TCEA3: variants seen among roughly 807,000 people sequenced by gnomAD.
TCEA3 encodes the protein transcription elongation factor A3.
In TCEA3, 36 loss-of-function variants were observed where a neutral mutation model predicts 44.0. The ratio of observed to expected loss-of-function variants is 0.82; its 90% confidence interval spans 0.63 to 1.08. The LOEUF (loss-of-function observed/expected upper bound fraction) is 1.08, where lower values mean the gene tolerates loss of function less well. TCEA3 is among the 50% of genes least tolerant of loss of function. TCEA3 has a pLI of 0.00. For missense variants in TCEA3, 392 were observed against 441.2 expected, an observed-to-expected ratio of 0.89 and a Z score of 1.00; for synonymous variants, 162 against 159.7, an observed-to-expected ratio of 1.01 and a Z score of -0.11.
intron 10 of TCEA3, among the ~76,000 whole-genome samples, chr1:23,382,420 G>A (rs1638693433): frequency 6.6e-6 from 1 of 152,182 alleles, no homozygotes; most frequent in Non-Finnish European, 1.5e-5. Flanking sequence ...ACTAGTAGAT[G>A]ACATACCCAA....
At chr1:23,408,254 GC>G (rs1558057128) in intron 5 of TCEA3, among the ~76,000 whole-genome samples, 1 of 152,154 alleles carries the variant, frequency 6.6e-6, no homozygotes. Context: ...GAGCCACTGT[GC>G]CCAGCCTAGG....
At position 23,393,990 on chromosome 1, in the gene TCEA3, G is replaced by T. The variant is rs1344190618; in HGVS notation, c.708C>A (p.Asn236Lys). The change falls in exon 8 of 11, where the codon AAC becomes AAA. Residue 236 changes from asparagine (N) to lysine (K), a missense_variant. Asn to Lys is a moderately conservative substitution (Grantham distance 94). Transcript: ENST00000450454. ...ELKSTDMKYR[N>K]RVRSRISNLK... Reference sequence around the variant, plus strand: ...GGTTGCTTATGCGGCTGCGCACGCGGTTCCGGTACTTCATGTCCGTGCTCT... The same window carrying T: ...GGTTGCTTATGCGGCTGCGCACGCGTTTCCGGTACTTCATGTCCGTGCTCT... 6.8e-6 allele frequency: 11 copies of T among 1,613,958 alleles called. No homozygotes were observed. Among genetic ancestry groups the T allele is most frequent in the Non-Finnish European group, 9.3e-6 (11 of 1,179,910 alleles).
chr1:23,391,435 G>A (rs1432806665), intron 8 of TCEA3, among the ~76,000 whole-genome samples: 1 of 151,924 alleles, frequency 6.6e-6, no homozygotes, highest in African/African-American at 2.4e-5. Flanking sequence ...GTTATTAGGG[G>A]GTCTTTGGGA....
At chr1:23,392,607 C>A (rs1570239882) in intron 8 of TCEA3, among the ~76,000 whole-genome samples, 4 of 136,932 alleles carry the variant, frequency 2.9e-5, no homozygotes, top group African/African-American at 1.1e-4. Context: ...CTCCACACAT[C>A]ATACACACAC....
chr1:23,391,266 C>T (rs1639019975), intron 8 of TCEA3, among the ~76,000 whole-genome samples: 1 of 150,954 alleles, frequency 6.6e-6, no homozygotes, highest in Admixed American at 6.6e-5. Context: ...GTGTGTGCCA[C>T]CACGCCCGGC....
intron 10 of TCEA3, 106 bp downstream of exon 10, chr1:23,384,240 A>G (rs1191791392): frequency 6.3e-6 from 10 of 1,595,938 alleles, no homozygotes; most frequent in South Asian, 1.1e-5. Context: ...GCAGGCTGGC[A>G]AGTGCTGCCA....
intron 9 of TCEA3, among the ~76,000 whole-genome samples, chr1:23,386,356 C>T (rs1209940226): frequency 6.6e-6 from 1 of 151,976 alleles, no homozygotes; most frequent in Admixed American, 6.6e-5. Context: ...CCCATTTCCC[C>T]CGCATCCAGT....
At position 23,407,613 on chromosome 1, in the gene TCEA3, C is replaced by T. The variant is rs565083015; in HGVS notation, c.443+1051G>A. On this transcript the variant is annotated intron_variant, in intron 5 of 10. Coordinates refer to ENST00000450454, the MANE Select transcript of TCEA3 (RefSeq NM_003196.3). ...CTAACGATCACTTCCTCGATGAGGA[C>T]TTTTCTGACAACTCCATGAATATCC... Among the ~76,000 whole-genome samples the T allele has an allele frequency of 7.2e-5, 11 of 152,202 alleles. No homozygotes were observed. The South Asian group carries it at 8.3e-4, about 11-fold the overall frequency.
chr1:23,390,838 C>G (rs1458545549), intron 8 of TCEA3, among the ~76,000 whole-genome samples: 59 of 152,264 alleles, frequency 3.9e-4, no homozygotes, highest in Non-Finnish European at 1.5e-5. Context: ...ACACTGTTGT[C>G]AGTGCTGGGT....
chr1:23,417,638 T>G (rs558702357), intron 3 of TCEA3, among the ~76,000 whole-genome samples: 1 of 152,356 alleles, frequency 6.6e-6, no homozygotes, highest in South Asian at 2.1e-4. Context: ...AATGTGTGCA[T>G]GTAGACATGT....
chr1:23,399,650 C>T (rs12142882), intron 5 of TCEA3, among the ~76,000 whole-genome samples: 6,072 of 150,528 alleles, frequency 0.04, 333 homozygotes, highest in South Asian at 0.25. Flanking sequence ...AATTTATCTA[C>T]TTTTGCGATG....
At chr1:23,407,644 C>T (rs779394895) in intron 5 of TCEA3, among the ~76,000 whole-genome samples, 7 of 152,184 alleles carry the variant, frequency 4.6e-5, no homozygotes, top group East Asian at 3.9e-4. Context: ...TATCCTTCCC[C>T]GATCCTCTTC....
chr1:23,419,213 T>C (rs1639985752), intron 1 of TCEA3, 74 bp from the exon 2 acceptor site: 1 of 1,187,124 alleles, frequency 8.4e-7, no homozygotes, highest in African/African-American at 1.5e-5. Context: ...GTGGTCTTGG[T>C]ACAGAGAGCA....
intron 1 of TCEA3, 105 bp downstream of exon 1, chr1:23,424,460 G>C: frequency 9.6e-7 from 1 of 1,046,086 alleles, no homozygotes. Flanking sequence ...CCCGAGTCCC[G>C]TACGCGCCCC....
At chr1:23,392,005 C>A (rs1639043000) in intron 8 of TCEA3, among the ~76,000 whole-genome samples, 1 of 152,168 alleles carries the variant, frequency 6.6e-6, no homozygotes, top group Non-Finnish European at 1.5e-5. Flanking sequence ...TTCGTTATAG[C>A]AGTCTGAACT....
intron 5 of TCEA3, among the ~76,000 whole-genome samples, chr1:23,399,178 A>ATC (rs1553167339): frequency 5.7e-5 from 8 of 141,146 alleles, no homozygotes; most frequent in South Asian, 4.5e-4. Flanking sequence ...ATATATATAT[A>ATC]TCCATATGTG....
intron 5 of TCEA3, among the ~76,000 whole-genome samples, chr1:23,399,421 T>G (rs1639330647): frequency 6.6e-6 from 1 of 151,788 alleles, no homozygotes; most frequent in Non-Finnish European, 1.5e-5. Flanking sequence ...TCCTATTGGA[T>G]CAGGGCTCCA....
chr1:23,393,804 C>G, intron 8 of TCEA3, 75 bp downstream of exon 8: 1 of 1,536,752 alleles, frequency 6.5e-7, no homozygotes, highest in Non-Finnish European at 8.8e-7. Flanking sequence ...GAGTCACGAG[C>G]CACTGACCCT....
chr1:23,385,877 A>G (rs111581157), intron 9 of TCEA3, among the ~76,000 whole-genome samples: 2,274 of 150,862 alleles, frequency 0.015, 53 homozygotes, highest in African/African-American at 0.052. Flanking sequence ...GATCTTGTTT[A>G]TTACTACCTC....
Sources: gnomAD v4.1 joint callset for allele counts (sites outside exome capture counted in the v4.1 genomes callset) on GRCh38, gnomAD v4.1.1 for gene constraint, MANE v1.5 for transcripts, NCBI Gene and HGNC (gene_info 2026-07-23, HGNC 2026-07-21) for gene names.